ZNF589: variants seen among roughly 807,000 people sequenced by gnomAD.
ZNF589 encodes the protein zinc finger protein 589, also known as KRAB-zinc finger protein SZF1-1.
Under a neutral mutation model 13.6 loss-of-function variants are expected in ZNF589, and 17 were observed. The observed-to-expected ratio is 1.25, with a 90% CI of 0.86 to 1.88. The LOEUF is 1.88. Ranked by LOEUF, ZNF589 falls within the 40% of genes most tolerant of loss-of-function variation. The probability of loss-of-function intolerance (pLI) is 0.00; values close to 1 mark genes in which losing one functional copy is unlikely to be tolerated. For missense variants in ZNF589, 407 were observed against 434.0 expected (o/e 0.94, Z 0.55); for synonymous variants, 148 against 161.6 (o/e 0.92, Z 0.64).
Position 48,260,799 on chromosome 3 carries a change from A to G in ZNF589, c.97-14A>G. The G allele has an allele frequency of 6.2e-7, 1 of 1,614,112 alleles. No individual in the cohort carries two copies. The highest frequency in any genetic ancestry group is 8.5e-7 in the Non-Finnish European group (1 of 1,179,984). ...ATGGTGACTTGATGAATATGAATTT[A>G]TCGGTTGATTTAGGGACCAGTGACT... On this transcript the variant is annotated splice_polypyrimidine_tract_variant and intron_variant, in intron 2 of 3. Transcript: ENST00000354698.
intron 2 of ZNF589, among the ~76,000 whole-genome samples, chr3:48,252,366 T>C (rs1288195188): frequency 6.6e-6 from 1 of 151,766 alleles, no homozygotes; most frequent in Non-Finnish European, 1.5e-5. Context: ...TAATTTTTTG[T>C]ATTTTTAGTA....
chr3:48,243,960 G>A (rs1400087325), intron 1 of ZNF589, among the ~76,000 whole-genome samples: 3 of 152,182 alleles, frequency 2.0e-5, no homozygotes, highest in African/African-American at 4.8e-5. Flanking sequence ...GAGGCACATC[G>A]TGAGGTCCTG....
chr3:48,268,518 A>C lies in ZNF589; in HGVS notation c.827A>C (p.Tyr276Ser), dbSNP rs1298676192. The C allele has an allele frequency of 6.2e-7, 1 of 1,613,808 alleles. No individual in the cohort carries two copies. The highest frequency in any genetic ancestry group is 1.7e-5 in the Admixed American group (1 of 59,974). Residue 276 changes from tyrosine to serine, a missense_variant, in exon 4 of 4, where the codon TAT (tyrosine) becomes TCT (serine). Tyr to Ser is a moderately radical substitution (Grantham distance 144). Transcript: ENST00000354698. Reference protein sequence around the residue: ...HQRTHTGEKPYVCGECGRGFI... With the variant: ...HQRTHTGEKPSVCGECGRGFI... ...AGGACACACACAGGAGAAAAGCCTT[A>C]TGTCTGCGGAGAGTGTGGGCGAGGC...
chr3:48,261,781 T>G (rs1422830530), intron 3 of ZNF589, among the ~76,000 whole-genome samples: 1 of 152,260 alleles, frequency 6.6e-6, no homozygotes, highest in Non-Finnish European at 1.5e-5. Context: ...AGACCTATTT[T>G]GCACTGCTTT....
chr3:48,268,526 G>A lies in ZNF589; in HGVS notation c.835G>A (p.Gly279Arg), dbSNP rs897789956. The A allele has an allele frequency of 1.3e-5, 21 of 1,612,316 alleles. No homozygotes were observed. The highest frequency in any genetic ancestry group is 1.7e-4 in the Middle Eastern group (1 of 6,052). ...THTGEKPYVC[G>R]ECGRGFIVES... ...CACAGGAGAAAAGCCTTATGTCTGC[G>A]GAGAGTGTGGGCGAGGCTTTATAGT... Residue 279 changes from glycine (G) to arginine (R), a missense_variant, in exon 4 of 4, where the codon GGA becomes AGA. Physicochemically the swap from Gly to Arg is moderately radical, Grantham distance 125 (BLOSUM62 -2). Coordinates refer to ENST00000354698, the MANE Select transcript of ZNF589 (RefSeq NM_016089.3).
chr3:48,267,399 AAT>A (rs2034029353), intron 3 of ZNF589, among the ~76,000 whole-genome samples: 1 of 151,244 alleles, frequency 6.6e-6, no homozygotes, highest in Non-Finnish European at 1.5e-5. Context: ...TAAATAGAAG[AAT>A]TTTTTTTTTT....
chr3:48,241,904 T>C (rs1165505359), intron 1 of ZNF589, among the ~76,000 whole-genome samples: 1 of 151,982 alleles, frequency 6.6e-6, no homozygotes, highest in African/African-American at 2.4e-5. Flanking sequence ...AGCCTCCGCT[T>C]TCCCAGGCTC....
At position 48,245,272 on chromosome 3, in the gene ZNF589, G is replaced by A. The variant is rs555820876; in HGVS notation, c.44-2353G>A. On this transcript the variant is annotated intron_variant, in intron 1 of 3. Transcript: ENST00000354698. ...TGGGGCTACAGGTGTACACCACCAC[G>A]CCCGGCTAATTTTTTTATTTTTTGT... is the stretch of plus-strand genomic sequence containing the variant. Among the ~76,000 whole-genome samples, 21 of 152,034 alleles carry A rather than the reference G, an allele frequency of 1.4e-4. No homozygotes were observed. In the East Asian group the frequency reaches 2.5e-3, roughly 18 times the overall value.
Position 48,269,393 on chromosome 3 carries a change from A to G in ZNF589, c.*607A>G. 1.7e-6 allele frequency: 1 copy of G among 578,236 alleles called. No individual in the cohort carries two copies. The highest frequency in any genetic ancestry group is 4.6e-5 in the East Asian group (1 of 21,546). 35.8% of individuals were successfully genotyped at this position (578,236 alleles called of 1,614,324 possible). A position where few individuals can be genotyped will look rare whatever the true frequency, so the allele number is the denominator to read the frequency against. Reference sequence around the variant, plus strand: ...CCAGTGTGGGCGAGGCTTTTGTGATAAATCAACTCTCCTCGCACACGAGCA... The same window carrying G: ...CCAGTGTGGGCGAGGCTTTTGTGATGAATCAACTCTCCTCGCACACGAGCA... On this transcript the variant is annotated 3_prime_UTR_variant, in exon 4 of 4. Coordinates refer to ENST00000354698, the MANE Select transcript of ZNF589 (RefSeq NM_016089.3).
Position 48,268,109 on chromosome 3 carries a change from G to C in ZNF589, c.418G>C (p.Ala140Pro). 1 of 1,614,178 alleles carries C rather than the reference G, an allele frequency of 6.2e-7. No individual in the cohort carries two copies. The highest frequency in any genetic ancestry group is 1.3e-5 in the African/African-American group (1 of 75,042). The change falls in exon 4 of 4, where the codon GCT becomes CCT. Residue 140 changes from alanine to proline, a missense_variant. Physicochemically the swap from Ala to Pro is conservative, Grantham distance 27. Coordinates refer to ENST00000354698, the MANE Select transcript of ZNF589 (RefSeq NM_016089.3). The stretch of plus-strand genomic sequence containing the variant: ...TCCTTCTGATAAAAATCACAGGGGG[G>C]CTGAAGCAGAAGATCAACGAGTGGA... Reference protein sequence around the residue: ...QHPSDKNHRGAEAEDQRVEGG... With the variant: ...QHPSDKNHRGPEAEDQRVEGG...
chr3:48,270,300 CAG>C lies in ZNF589; in HGVS notation c.*1516_*1517del, dbSNP rs915103333. On this transcript the variant is annotated 3_prime_UTR_variant, in exon 4 of 4. Transcript: ENST00000354698. ...CTTTAACCACACTCTAAAAGTTCTT[CAG>C]ACTCAGGACTTAAACATAGCCACGC... is the stretch of plus-strand genomic sequence containing the variant. 1 of 449,480 alleles carries C rather than the reference CAG, an allele frequency of 2.2e-6. No individual in the cohort carries two copies. The highest frequency in any genetic ancestry group is 2.0e-5 in the African/African-American group (1 of 49,718). The allele number at this position is 449,480 out of a possible 1,614,324, so 27.8% of individuals were successfully genotyped here.
chr3:48,253,079 C>G (rs982960690), intron 2 of ZNF589, among the ~76,000 whole-genome samples: 1 of 152,090 alleles, frequency 6.6e-6, no homozygotes, highest in Admixed American at 6.6e-5. Context: ...GTTTCCCAGG[C>G]TGGAGTGCAG....
chr3:48,268,420 C>A lies in ZNF589; in HGVS notation c.729C>A (p.Asp243Glu), dbSNP rs772947464. 3 of 1,614,204 alleles carry A rather than the reference C, an allele frequency of 1.9e-6. No homozygotes were observed. Among genetic ancestry groups the A allele is most frequent in the South Asian group, 1.1e-5 (1 of 91,082 alleles). ...QKAVTAEKSS[D>E]KRQSQVCREC... The stretch of plus-strand genomic sequence containing the variant: ...CAGTCACAGCAGAAAAATCTTCAGA[C>A]AAAAGGCAGTCACAGGTGTGCAGGG... The change falls in exon 4 of 4, where the codon GAC becomes GAA. Residue 243 changes from aspartate (D) to glutamate (E), a missense_variant. By Grantham distance (45) the Asp-to-Glu change is conservative (BLOSUM62 2). Coordinates refer to ENST00000354698, the MANE Select transcript of ZNF589 (RefSeq NM_016089.3).
chr3:48,241,564 C>T (rs991676019), intron 1 of ZNF589, among the ~76,000 whole-genome samples: 1 of 152,218 alleles, frequency 6.6e-6, no homozygotes, highest in East Asian at 1.9e-4. Flanking sequence ...CGGAGTCTCG[C>T]TCTGTCGCCC....
At chr3:48,247,551 C>T (rs531997860) in intron 1 of ZNF589, 74 bp from the exon 2 acceptor site, 2 of 1,577,758 alleles carry the variant, frequency 1.3e-6, no homozygotes, top group East Asian at 2.3e-5. Context: ...AGCCAAGGCT[C>T]AGAGGGCTCT....
chr3:48,249,067 A>G (rs1400207532), intron 2 of ZNF589, among the ~76,000 whole-genome samples: 1 of 145,574 alleles, frequency 6.9e-6, no homozygotes, highest in East Asian at 2.0e-4. Context: ...TTTATCCTTT[A>G]TTTTCCCGTA....
intron 1 of ZNF589, among the ~76,000 whole-genome samples, chr3:48,245,222 C>CAGCCTT (rs2033747310): frequency 6.6e-6 from 1 of 152,138 alleles, no homozygotes; most frequent in Admixed American, 6.5e-5. Context: ...TCAAATGATC[C>CAGCCTT]TGCCACTTCA....
At chr3:48,261,570 A>G (rs769613096) in intron 3 of ZNF589, among the ~76,000 whole-genome samples, 3 of 152,254 alleles carry the variant, frequency 2.0e-5, no homozygotes, top group African/African-American at 7.2e-5. Flanking sequence ...ATCATACATC[A>G]TGTTTTTATT....
intron 1 of ZNF589, among the ~76,000 whole-genome samples, chr3:48,246,449 T>C (rs2033766567): frequency 6.6e-6 from 1 of 152,196 alleles, no homozygotes; most frequent in Admixed American, 6.5e-5. Context: ...AGGAATAACA[T>C]TGACAAGTTT....
Sources: gnomAD v4.1 joint callset for allele counts (sites outside exome capture counted in the v4.1 genomes callset) on GRCh38, gnomAD v4.1.1 for gene constraint, MANE v1.5 for transcripts, NCBI Gene and HGNC (gene_info 2026-07-23, HGNC 2026-07-21) for gene names.